The following ACSM3 variants were observed in gnomAD, a reference collection of about 807,000 sequenced individuals.
ACSM3 encodes acyl-coenzyme A synthetase ACSM3, mitochondrial.
A neutral mutation model predicts 74.1 loss-of-function variants in ACSM3; 61 were observed. The observed-to-expected ratio is 0.82, with a 90% CI of 0.67 to 1.02. The LOEUF (loss-of-function observed/expected upper bound fraction) is 1.02, where lower values mean the gene tolerates loss of function less well. ACSM3 is among the 50% of genes least tolerant of loss of function. The pLI is 0.00. For synonymous variants in ACSM3, 213 were observed against 241.5 expected, an observed-to-expected ratio of 0.88 and a Z score of 1.09; for missense variants, 660 against 697.0, an observed-to-expected ratio of 0.95 and a Z score of 0.60.
intron 1 of ACSM3, among the ~76,000 whole-genome samples, chr16:20,692,840 C>T (rs1351627390): frequency 6.6e-6 from 1 of 152,030 alleles, no homozygotes; most frequent in Non-Finnish European, 1.5e-5. Flanking sequence ...GGCATAACTC[C>T]CTAAGCCCCT....
chr16:20,728,510 A>G, intron 1 of ACSM3: 2 of 970,838 alleles, frequency 2.1e-6, no homozygotes, highest in Non-Finnish European at 3.1e-6. Context: ...AGAAAGTGCT[A>G]GTCATGTCTT....
intron 1 of ACSM3, chr16:20,682,349 T>C (rs934493907): frequency 6.2e-7 from 1 of 1,613,716 alleles, no homozygotes; most frequent in Non-Finnish European, 8.5e-7. Flanking sequence ...AGCTATGGAG[T>C]CCACCTCTGA....
intron 1 of ACSM3, among the ~76,000 whole-genome samples, chr16:20,708,000 A>C (rs1032717488): frequency 6.6e-6 from 1 of 152,204 alleles, no homozygotes; most frequent in African/African-American, 2.4e-5. Context: ...AAAAAATAAC[A>C]ACGCATAAAA....
chr16:20,741,443 C>A (rs1034359309), intron 1 of ACSM3: 2 of 1,465,860 alleles, frequency 1.4e-6, no homozygotes, highest in East Asian at 5.0e-5. Context: ...AGCAGCCATC[C>A]CTCCACCCTT....
intron 2 of ACSM3, among the ~76,000 whole-genome samples, chr16:20,770,617 G>A (rs12918637): frequency 0.19 from 29,436 of 151,990 alleles, 3,281 homozygotes; most frequent in African/African-American, 0.31. Flanking sequence ...TGGGGAAAAT[G>A]TAAAGGATGC....
intron 1 of ACSM3, among the ~76,000 whole-genome samples, chr16:20,694,229 A>G (rs1461200941): frequency 6.6e-6 from 1 of 152,244 alleles, no homozygotes; most frequent in Non-Finnish European, 1.5e-5. Flanking sequence ...GTCCCGTTCC[A>G]GCCAGTGGAA....
At chr16:20,779,150 G>A (rs1463738459) in intron 4 of ACSM3, among the ~76,000 whole-genome samples, 1 of 152,196 alleles carries the variant, frequency 6.6e-6, no homozygotes, top group African/African-American at 2.4e-5. Context: ...TTAGCCAGGC[G>A]CAGTGGCTGA....
intron 8 of ACSM3, 101 bp downstream of exon 8, chr16:20,785,208 G>A (rs913240126): frequency 1.4e-6 from 2 of 1,473,618 alleles, no homozygotes; most frequent in Non-Finnish European, 1.8e-6. Context: ...AGGGATAGGA[G>A]TTGAGTGGTT....
intron 1 of ACSM3, among the ~76,000 whole-genome samples, chr16:20,692,602 T>C (rs2079664569): frequency 6.6e-6 from 1 of 152,218 alleles, no homozygotes; most frequent in Non-Finnish European, 1.5e-5. Context: ...GATTGTCTCC[T>C]GGATCTGGGA....
At chr16:20,719,500 T>G in intron 1 of ACSM3, 1 of 171,956 alleles carries the variant, frequency 5.8e-6, no homozygotes, top group Non-Finnish European at 1.3e-5. Flanking sequence ...AAATCATTTC[T>G]TTATAAGAAG....
At chr16:20,795,789 A>C (rs1217701774) in intron 12 of ACSM3, among the ~76,000 whole-genome samples, 1 of 152,320 alleles carries the variant, frequency 6.6e-6, no homozygotes, top group East Asian at 1.9e-4. Context: ...CAGGACTCCA[A>C]ATTTACTTTT....
At chr16:20,745,430 A>G (rs373943263) in intron 1 of ACSM3, among the ~76,000 whole-genome samples, 1 of 152,126 alleles carries the variant, frequency 6.6e-6, no homozygotes, top group African/African-American at 2.4e-5. Context: ...TAAAAATAAA[A>G]AAATTAGTTG....
rs560634581 is a variant in ACSM3, at chr16:20,725,928, G to A, written c.-189-23982G>A. Among the ~76,000 whole-genome samples, 9 of 152,034 alleles carry A rather than the reference G, an allele frequency of 5.9e-5. No individual in the cohort carries two copies. In the South Asian group the frequency reaches 8.3e-4, roughly 14 times the overall value. ...GTGGAGGTTGCAGTGAGCCAAGATC[G>A]CGCCACTGCACTTCCAGCCTGGGCA... On this transcript the variant is annotated intron_variant, in intron 1 of 3. Transcript: ENST00000561584.
intron 1 of ACSM3, among the ~76,000 whole-genome samples, chr16:20,698,387 G>C (rs1358163263): frequency 6.6e-6 from 1 of 151,984 alleles, no homozygotes; most frequent in East Asian, 1.9e-4. Flanking sequence ...TAGCCTAATG[G>C]ATAAGAGCCT....
At chr16:20,767,893 A>AT (rs1472767603) in intron 1 of ACSM3, among the ~76,000 whole-genome samples, 2 of 152,242 alleles carry the variant, frequency 1.3e-5, no homozygotes, top group African/African-American at 4.8e-5. Flanking sequence ...AGGAACACTA[A>AT]TTCATGACAC....
intron 1 of ACSM3, among the ~76,000 whole-genome samples, chr16:20,741,278 G>A (rs1334260475): frequency 1.3e-5 from 2 of 152,202 alleles, no homozygotes. Flanking sequence ...GGGAGCTACC[G>A]TGGTTACTGA....
At chr16:20,741,689 T>A (rs899348603) in intron 1 of ACSM3, 2 of 1,581,760 alleles carry the variant, frequency 1.3e-6, no homozygotes, top group African/African-American at 2.7e-5. Context: ...GAGCCTTGCC[T>A]TTGCGCTTCC....
chr16:20,745,497 G>A (rs2079953862), intron 1 of ACSM3, among the ~76,000 whole-genome samples: 1 of 152,160 alleles, frequency 6.6e-6, no homozygotes, highest in Non-Finnish European at 1.5e-5. Flanking sequence ...CACGAGAGTT[G>A]CTTGAACCTG....
chr16:20,727,441 A>G (rs1396716947), intron 1 of ACSM3: 1 of 521,504 alleles, frequency 1.9e-6, no homozygotes, highest in East Asian at 5.6e-5. Context: ...CTGGAGCTAC[A>G]TGAGAGCTAT....
Sources: gnomAD v4.1 joint callset for allele counts (sites outside exome capture counted in the v4.1 genomes callset) on GRCh38, gnomAD v4.1.1 for gene constraint, MANE v1.5 for transcripts, NCBI Gene and HGNC (gene_info 2026-07-23, HGNC 2026-07-21) for gene names.